DLGAP1: variants seen among roughly 807,000 people sequenced by gnomAD.
The protein encoded by DLGAP1 is DLG associated protein 1.
Under a neutral mutation model 90.8 loss-of-function variants are expected in DLGAP1, and 11 were observed. That is an observed-to-expected ratio of 0.12 (90% CI 0.08 to 0.20). The LOEUF is 0.20. Among genes scored for constraint, DLGAP1 ranks in the 10% least tolerant of loss-of-function variants. The pLI is 1.00. For synonymous variants in DLGAP1, 558 were observed against 540.7 expected, an observed-to-expected ratio of 1.03 and a Z score of -0.44; for missense variants, 1,050 against 1,333.8, an observed-to-expected ratio of 0.79 and a Z score of 3.31.
At chr18:3,639,455 G>A (rs1057087975) in intron 7 of DLGAP1, among the ~76,000 whole-genome samples, 4 of 152,138 alleles carry the variant, frequency 2.6e-5, no homozygotes, top group East Asian at 1.9e-4. Flanking sequence ...AGCGTCCAGA[G>A]GAGCCTGCAC....
chr18:4,181,929 C>T (rs1391619665), intron 1 of DLGAP1, among the ~76,000 whole-genome samples: 2 of 152,052 alleles, frequency 1.3e-5, no homozygotes, highest in Admixed American at 6.6e-5. Flanking sequence ...ATATGTATTC[C>T]AATCTGTAGC....
At chr18:3,884,746 A>G (rs181243493) in intron 3 of DLGAP1, among the ~76,000 whole-genome samples, 192 of 152,302 alleles carry the variant, frequency 1.3e-3, no homozygotes, top group African/African-American at 4.3e-3. Flanking sequence ...AAGCACCTCT[A>G]TTTTCTTGGA....
At chr18:3,955,633 G>A (rs2073069452) in intron 3 of DLGAP1, among the ~76,000 whole-genome samples, 1 of 151,906 alleles carries the variant, frequency 6.6e-6, no homozygotes, top group Admixed American at 6.6e-5. Flanking sequence ...AGAATCACTT[G>A]AACCCAGGAG....
intron 7 of DLGAP1, among the ~76,000 whole-genome samples, chr18:3,606,364 AT>A (rs2057326189): frequency 6.6e-6 from 1 of 152,226 alleles, no homozygotes; most frequent in African/African-American, 2.4e-5. Flanking sequence ...AGACGTTTTC[AT>A]TACTTCCTTA....
chr18:3,907,842 A>T (rs911883240), intron 3 of DLGAP1, among the ~76,000 whole-genome samples: 2 of 152,182 alleles, frequency 1.3e-5, no homozygotes, highest in Non-Finnish European at 2.9e-5. Flanking sequence ...TGAGGACGTA[A>T]CCCATTCAGG....
Position 3,524,380 on chromosome 18 carries a change from A to G in DLGAP1, c.2479+9814T>C, listed in dbSNP as rs375394770. On this transcript the variant is annotated intron_variant, in intron 10 of 12. Coordinates refer to ENST00000315677, the MANE Select transcript of DLGAP1 (RefSeq NM_004746.4). ...GAAGGAGCTCCTGCCATTTGCCACAACATAGATGGACTGGAGGACCTTATG... is the reference window on the plus strand; with the variant it reads ...GAAGGAGCTCCTGCCATTTGCCACAGCATAGATGGACTGGAGGACCTTATG... 8.5e-5 allele frequency among the ~76,000 whole-genome samples: 13 copies of G among 152,222 alleles called. No homozygotes were observed. In the East Asian group the frequency reaches 2.5e-3, roughly 29 times the overall value.
chr18:4,126,189 T>C (rs1425168566), intron 2 of DLGAP1, among the ~76,000 whole-genome samples: 1 of 152,160 alleles, frequency 6.6e-6, no homozygotes, highest in East Asian at 1.9e-4. Flanking sequence ...GGGGATCACA[T>C]TAAAAAATAA....
chr18:4,289,764 A>G (rs1210779244), intron 1 of DLGAP1, among the ~76,000 whole-genome samples: 1 of 152,228 alleles, frequency 6.6e-6, no homozygotes, highest in African/African-American at 2.4e-5. Flanking sequence ...CATCTGTCCT[A>G]GAATTATGGG....
At chr18:3,585,218 G>A (rs1213341646) in intron 7 of DLGAP1, among the ~76,000 whole-genome samples, 1 of 152,244 alleles carries the variant, frequency 6.6e-6, no homozygotes, top group Non-Finnish European at 1.5e-5. Flanking sequence ...CTAGCCCACA[G>A]CTAAGCCTCT....
chr18:4,272,960 TA>T (rs1156796303), intron 1 of DLGAP1, among the ~76,000 whole-genome samples: 56 of 152,198 alleles, frequency 3.7e-4, no homozygotes, highest in Non-Finnish European at 1.9e-4. Flanking sequence ...GCATGAACAG[TA>T]AGGATTGCTG....
At chr18:3,916,389 G>A (rs537727829) in intron 3 of DLGAP1, among the ~76,000 whole-genome samples, 32 of 152,290 alleles carry the variant, frequency 2.1e-4, no homozygotes, top group African/African-American at 7.7e-4. Flanking sequence ...GGAAAGGTCT[G>A]CTGGCCTCAG....
At chr18:4,363,177 G>T (rs2081667530) in intron 1 of DLGAP1, among the ~76,000 whole-genome samples, 1 of 152,186 alleles carries the variant, frequency 6.6e-6, no homozygotes, top group Admixed American at 6.5e-5. Flanking sequence ...AAATGTAAAT[G>T]TAAGCCTGGA....
chr18:3,840,808 C>T (rs2068671177), intron 4 of DLGAP1, among the ~76,000 whole-genome samples: 1 of 152,120 alleles, frequency 6.6e-6, no homozygotes, highest in South Asian at 2.1e-4. Context: ...TTAGTAAAGT[C>T]ATATAGACAG....
chr18:3,840,879 C>G (rs751283599), intron 4 of DLGAP1, among the ~76,000 whole-genome samples: 2 of 152,224 alleles, frequency 1.3e-5, no homozygotes, highest in Non-Finnish European at 2.9e-5. Context: ...GTCACTCATT[C>G]ACGGAACACC....
chr18:3,596,539 T>C, intron 7 of DLGAP1: 1 of 220,350 alleles, frequency 4.5e-6, no homozygotes, highest in Non-Finnish European at 8.8e-6. Context: ...TGTTGCTATA[T>C]TCTCTGTTAG....
chr18:3,765,188 C>T lies in DLGAP1; in HGVS notation c.1173-22676G>A, dbSNP rs149901466. Among the ~76,000 whole-genome samples the T allele has an allele frequency of 4.5e-3, 577 of 129,242 alleles. 7 individuals carry two copies. The highest frequency in any genetic ancestry group is 0.018 in the African/African-American group (556 of 31,686). 84.8% of individuals were successfully genotyped at this position (129,242 alleles called of 152,430 possible). On this transcript the variant is annotated intron_variant, in intron 5 of 12. Coordinates refer to ENST00000315677, the MANE Select transcript of DLGAP1 (RefSeq NM_004746.4). ...TGTTGCCCAGGCTGGAGTGCAGTGG[C>T]GCAGTCTCGGCTCATTGCAGCAAGC...
At chr18:3,627,589 T>C (rs1215783456) in intron 7 of DLGAP1, among the ~76,000 whole-genome samples, 1 of 152,204 alleles carries the variant, frequency 6.6e-6, no homozygotes, top group Non-Finnish European at 1.5e-5. Context: ...CAGGTAGTTT[T>C]TGTAATTTGA....
chr18:4,401,975 T>C (rs2082564789), intron 1 of DLGAP1, among the ~76,000 whole-genome samples: 1 of 152,190 alleles, frequency 6.6e-6, no homozygotes, highest in Non-Finnish European at 1.5e-5. Context: ...CAGCAATCTA[T>C]ATTTTAACAA....
chr18:3,834,916 T>G (rs1484389060), intron 4 of DLGAP1, among the ~76,000 whole-genome samples: 2 of 152,220 alleles, frequency 1.3e-5, no homozygotes, highest in Non-Finnish European at 2.9e-5. Context: ...CTCCATTATG[T>G]ACACGATAAC....
Sources: gnomAD v4.1 joint callset for allele counts (sites outside exome capture counted in the v4.1 genomes callset) on GRCh38, gnomAD v4.1.1 for gene constraint, MANE v1.5 for transcripts, NCBI Gene and HGNC (gene_info 2026-07-23, HGNC 2026-07-21) for gene names.